The following RAD51AP2 variants were observed in gnomAD, a reference collection of about 807,000 sequenced individuals.
RAD51AP2 encodes RAD51 associated protein 2, also known as RAD51-associated protein 2.
A neutral mutation model predicts 85.5 loss-of-function variants in RAD51AP2; 67 were observed. The observed-to-expected ratio is 0.78, with a 90% CI of 0.64 to 0.96. The LOEUF is 0.96. Among genes scored for constraint, RAD51AP2 ranks in the 40% least tolerant of loss-of-function variants. RAD51AP2 has a pLI of 0.00. For synonymous variants in RAD51AP2, 474 were observed against 446.5 expected, an observed-to-expected ratio of 1.06 and a Z score of -0.78; for missense variants, 1,307 against 1,332.4, an observed-to-expected ratio of 0.98 and a Z score of 0.30.
At chr2:17,524,669 A>G in the RAD51AP2 span, among the ~76,000 whole-genome samples, 1 of 152,010 alleles carries the variant, frequency 6.6e-6, no homozygotes, top group South Asian at 2.1e-4. Context: ...CTCTTACACT[A>G]AATTATTAGC....
upstream of RAD51AP2, among the ~76,000 whole-genome samples, chr2:17,519,196 C>T (rs1558268429): frequency 6.6e-6 from 1 of 151,388 alleles, no homozygotes; most frequent in Non-Finnish European, 1.5e-5. Context: ...TGAACTACCC[C>T]ATTTAGTGTA....
chr2:17,518,476 T>G, upstream of RAD51AP2: 2 of 1,551,460 alleles, frequency 1.3e-6, no homozygotes, highest in Non-Finnish European at 1.7e-6. Flanking sequence ...TAATAGGCGG[T>G]TCCGGGCCGC....
chr2:17,536,613 C>A, the RAD51AP2 span, among the ~76,000 whole-genome samples: 1 of 152,222 alleles, frequency 6.6e-6, no homozygotes, highest in East Asian at 1.9e-4. Flanking sequence ...TCTGGCAGGG[C>A]CTTATGAAAC....
chr2:17,533,672 G>A, the RAD51AP2 span, among the ~76,000 whole-genome samples: 1 of 152,190 alleles, frequency 6.6e-6, no homozygotes, highest in East Asian at 1.9e-4. Context: ...CAAGCACACT[G>A]GGAGGTGAAA....
the RAD51AP2 span, among the ~76,000 whole-genome samples, chr2:17,534,737 T>C: frequency 6.6e-6 from 1 of 152,206 alleles, no homozygotes; most frequent in African/African-American, 2.4e-5. Context: ...AATTTATGCC[T>C]AATGTCCAGA....
At chr2:17,522,993 T>C (rs143908214), upstream of RAD51AP2, among the ~76,000 whole-genome samples, 3 of 152,044 alleles carry the variant, frequency 2.0e-5, no homozygotes, top group Admixed American at 2.0e-4. Flanking sequence ...TGAATAGTAG[T>C]TGGAGGAGTA....
the RAD51AP2 span, among the ~76,000 whole-genome samples, chr2:17,526,441 T>G: frequency 1.3e-5 from 2 of 151,970 alleles, no homozygotes; most frequent in South Asian, 4.1e-4. Context: ...ACTTTTACAC[T>G]CCAAACTGGT....
the RAD51AP2 span, among the ~76,000 whole-genome samples, chr2:17,533,998 G>A: frequency 6.6e-6 from 1 of 152,160 alleles, no homozygotes; most frequent in Non-Finnish European, 1.5e-5. Context: ...CACCAAATAT[G>A]AGTAGATAGC....
At chr2:17,533,515 A>G in the RAD51AP2 span, among the ~76,000 whole-genome samples, 1 of 152,228 alleles carries the variant, frequency 6.6e-6, no homozygotes, top group Non-Finnish European at 1.5e-5. Flanking sequence ...TTCTGGTTCA[A>G]GTGTTTATTT....
the RAD51AP2 span, among the ~76,000 whole-genome samples, chr2:17,524,898 G>C: frequency 6.6e-6 from 1 of 151,832 alleles, no homozygotes; most frequent in African/African-American, 2.4e-5. Flanking sequence ...ACAGAGGAAA[G>C]GATTGAAAAA....
At position 17,510,808 on chromosome 2, in the gene RAD51AP2, A is replaced by G; in HGVS notation, c.3476T>C (p.Phe1159Ser). ...AAATGTTTTGAAATATGAAAGTCAA[A>G]AATTTTCTTTTAAGTTTCCGTAACA... ...QMCYGNLKEN[F>S] The change falls in exon 3 of 3, where the codon TTT (phenylalanine) becomes TCT (serine). Residue 1159 changes from phenylalanine to serine, a missense_variant. Phe to Ser is a radical substitution (Grantham distance 155). Coordinates refer to ENST00000399080, the MANE Select transcript of RAD51AP2 (RefSeq NM_001099218.3). 1.3e-6 allele frequency: 2 copies of G among 1,563,968 alleles called. No homozygotes were observed. Among genetic ancestry groups the G allele is most frequent in the Non-Finnish European group, 1.7e-6 (2 of 1,151,440 alleles).
chr2:17,518,446 C>G (rs1182544311), upstream of RAD51AP2: 3 of 1,588,390 alleles, frequency 1.9e-6, no homozygotes, highest in Non-Finnish European at 2.6e-6. Flanking sequence ...TGTCCGAGTC[C>G]CGGCGGGGCT....
At chr2:17,514,543 G>GC (rs997665824) in intron 1 of RAD51AP2, among the ~76,000 whole-genome samples, 7 of 151,188 alleles carry the variant, frequency 4.6e-5, no homozygotes, top group Non-Finnish European at 1.0e-4. Flanking sequence ...CGGCGGGGGG[G>GC]GTGGATCACA....
At chr2:17,537,711 G>A in the RAD51AP2 span, among the ~76,000 whole-genome samples, 2 of 152,208 alleles carry the variant, frequency 1.3e-5, no homozygotes, top group African/African-American at 2.4e-5. Context: ...ATTCGTCCAC[G>A]TCACAAAGCG....
rs777149427 is a variant in RAD51AP2, at chr2:17,517,769, C to G, written c.647G>C (p.Ser216Thr). Residue 216 changes from serine (S) to threonine (T), a missense_variant, in exon 1 of 3, where the codon AGT (serine) becomes ACT (threonine). By Grantham distance (58) the Ser-to-Thr change is moderately conservative. This residue lies in a region of RAD51AP2 where 635 missense variants were observed against 643.6 expected (regional missense o/e 0.99). Coordinates refer to ENST00000399080, the MANE Select transcript of RAD51AP2 (RefSeq NM_001099218.3). The stretch of plus-strand genomic sequence containing the variant: ...TTCTCTTTTATTTGATGGCACAACA[C>G]TGTTAGCTTTACATCTGTTCTTAAT... ...HEIKNRCKAN[S>T]VVPSNKRENN... 9 of 1,613,872 alleles carry G rather than the reference C, an allele frequency of 5.6e-6. No homozygotes were observed. The African/African-American group carries it at 1.1e-4, about 19-fold the overall frequency.
intron 1 of RAD51AP2, 148 bp from the exon 2 acceptor site, chr2:17,514,240 T>C: frequency 1.3e-6 from 1 of 755,366 alleles, no homozygotes; most frequent in Non-Finnish European, 2.3e-6. Flanking sequence ...AGCTCCTTTT[T>C]AAAATTAACT....
At position 17,516,656 on chromosome 2, in the gene RAD51AP2, A is replaced by C; in HGVS notation, c.1760T>G (p.Leu587Trp). 6.4e-7 allele frequency: 1 copy of C among 1,570,678 alleles called. No homozygotes were observed. Among genetic ancestry groups the C allele is most frequent in the Admixed American group, 1.9e-5 (1 of 51,350 alleles). The change falls in exon 1 of 3, where the codon TTG (leucine) becomes TGG (tryptophan). Residue 587 changes from leucine to tryptophan, a missense_variant. By Grantham distance (61) the Leu-to-Trp change is moderately conservative. Transcript: ENST00000399080. ...DILLKTNIAF[L>W]LNNFDSLTRI... is the part of the protein sequence containing the mutation. ...TGTTAAAGAGTCAAAGTTATTGAGC[A>C]AAAAAGCTATGTTAGTTTTCAATAG...
chr2:17,533,765 ATTAG>A, the RAD51AP2 span, among the ~76,000 whole-genome samples: 2 of 152,114 alleles, frequency 1.3e-5, no homozygotes, highest in African/African-American at 4.8e-5. Context: ...AATTTAAAAA[ATTAG>A]TTAGGCATAG....
At chr2:17,526,281 C>T in the RAD51AP2 span, among the ~76,000 whole-genome samples, 20 of 151,902 alleles carry the variant, frequency 1.3e-4, no homozygotes, top group Admixed American at 8.5e-4. Flanking sequence ...TGATACTTAG[C>T]ACAGAATATG....
Sources: allele counts gnomAD v4.1 joint callset (sites outside exome capture counted in the v4.1 genomes callset), GRCh38; gene constraint gnomAD v4.1.1; regional missense constraint gnomAD v4.1.1; transcripts MANE v1.5; gene names NCBI Gene and HGNC (gene_info 2026-07-23, HGNC 2026-07-21).